Variants in ST6GAL1 observed in about 807,000 individuals in gnomAD.
The protein encoded by ST6GAL1 is ST6 beta-galactoside alpha-2,6-sialyltransferase 1.
ST6GAL1 carries 20 observed loss-of-function variants against 38.0 expected under a neutral mutation model. The observed-to-expected ratio is 0.53, with a 90% CI of 0.37 to 0.77. The LOEUF is 0.77. Among genes scored for constraint, ST6GAL1 ranks in the 30% least tolerant of loss-of-function variants. ST6GAL1 has a pLI of 0.00. For missense variants in ST6GAL1, 432 were observed against 496.4 expected, an observed-to-expected ratio of 0.87 and a Z score of 1.23; for synonymous variants, 196 against 188.2, an observed-to-expected ratio of 1.04 and a Z score of -0.34.
chr3:187,047,147 G>T (rs531270374), intron 4 of ST6GAL1, among the ~76,000 whole-genome samples: 2 of 151,954 alleles, frequency 1.3e-5, no homozygotes, highest in African/African-American at 4.8e-5. Flanking sequence ...GGGTTTCACC[G>T]TGTTAGCCAG....
chr3:187,051,580 C>T (rs1369740466), intron 5 of ST6GAL1: 2 of 456,188 alleles, frequency 4.4e-6, no homozygotes, highest in South Asian at 4.4e-5. Context: ...TGTCTGGTAC[C>T]CAGGAAAGTA....
At chr3:186,969,258 A>G (rs1380920991) in intron 2 of ST6GAL1, among the ~76,000 whole-genome samples, 2 of 151,956 alleles carry the variant, frequency 1.3e-5, no homozygotes, top group East Asian at 1.9e-4. Context: ...TCACCATGTT[A>G]GCCAGGCTGG....
At chr3:186,973,873 C>T (rs1387765111) in intron 2 of ST6GAL1, among the ~76,000 whole-genome samples, 1 of 152,246 alleles carries the variant, frequency 6.6e-6, no homozygotes, top group Non-Finnish European at 1.5e-5. Context: ...TGAACACCTA[C>T]TGTGTGCTTG....
chr3:186,990,417 C>T (rs530784500), intron 2 of ST6GAL1, among the ~76,000 whole-genome samples: 1 of 152,310 alleles, frequency 6.6e-6, no homozygotes, highest in Non-Finnish European at 1.5e-5. Flanking sequence ...GCGAGAGAAA[C>T]TGCCCAGCAG....
intron 1 of ST6GAL1, among the ~76,000 whole-genome samples, chr3:186,951,986 G>T (rs887161990): frequency 4.6e-5 from 7 of 152,134 alleles, no homozygotes; most frequent in Non-Finnish European, 1.0e-4. Flanking sequence ...GGGTACTACT[G>T]TATGAGTCCA....
intron 2 of ST6GAL1, chr3:187,006,258 A>T (rs2108555798): frequency 6.6e-6 from 1 of 152,316 alleles, no homozygotes; most frequent in African/African-American, 2.4e-5. Context: ...TTTAGAACAT[A>T]AAACCTAGAC....
At chr3:186,967,746 C>T (rs9828559) in intron 2 of ST6GAL1, among the ~76,000 whole-genome samples, 140,000 of 152,302 alleles carry the variant, frequency 0.92, 64,382 homozygotes, top group East Asian at 0.93. Flanking sequence ...TTAGCCATCA[C>T]GTCTTTCACT....
intron 4 of ST6GAL1, among the ~76,000 whole-genome samples, chr3:187,048,194 T>C (rs927323368): frequency 5.3e-5 from 8 of 152,084 alleles, no homozygotes; most frequent in Admixed American, 1.3e-4. Flanking sequence ...CTGCCCACCT[T>C]GGCCTCCCAA....
chr3:187,014,677 C>T (rs1015396757), intron 2 of ST6GAL1, among the ~76,000 whole-genome samples: 1 of 152,222 alleles, frequency 6.6e-6, no homozygotes, highest in Non-Finnish European at 1.5e-5. Flanking sequence ...GATTGCAATA[C>T]ATTCCTGGGC....
At position 187,012,111 on chromosome 3, in the gene ST6GAL1, G is replaced by A. The variant is rs182080076; in HGVS notation, c.-182-26631G>A. 5.7e-3 allele frequency among the ~76,000 whole-genome samples: 874 copies of A among 152,178 alleles called. 5 individuals are homozygous for A. The highest frequency in any genetic ancestry group is 9.1e-3 in the Non-Finnish European group (621 of 68,014). ...CAGGCTCCGGTCATCTATGTTAGTC[G>A]TGCTCTTGCTACACATCTGCCACCT... On this transcript the variant is annotated intron_variant, in intron 2 of 7. Coordinates refer to ENST00000169298, the MANE Select transcript of ST6GAL1 (RefSeq NM_173216.2).
At chr3:186,977,640 C>G (rs576365423) in intron 2 of ST6GAL1, among the ~76,000 whole-genome samples, 1 of 152,154 alleles carries the variant, frequency 6.6e-6, no homozygotes, top group Non-Finnish European at 1.5e-5. Flanking sequence ...ATCAGTCTCA[C>G]GCAGGAGACA....
chr3:186,958,967 ATT>A (rs59319847), intron 1 of ST6GAL1, among the ~76,000 whole-genome samples: 1,700 of 12,866 alleles, frequency 0.13, 29 homozygotes, highest in African/African-American at 0.19. Context: ...AAAAAAAAAA[ATT>A]AAATAAATAA....
intron 2 of ST6GAL1, among the ~76,000 whole-genome samples, chr3:186,967,013 C>T (rs1213337349): frequency 6.6e-6 from 1 of 152,182 alleles, no homozygotes; most frequent in Admixed American, 6.5e-5. Context: ...CTTGGACATA[C>T]AGATCTGACA....
chr3:187,065,597 A>G (rs1719075973), intron 5 of ST6GAL1, among the ~76,000 whole-genome samples: 1 of 152,196 alleles, frequency 6.6e-6, no homozygotes, highest in Admixed American at 6.5e-5. Context: ...GACTCAACTC[A>G]GTACCTCCTG....
chr3:187,068,075 G>T (rs1007452641), intron 5 of ST6GAL1, among the ~76,000 whole-genome samples: 2 of 151,770 alleles, frequency 1.3e-5, no homozygotes, highest in African/African-American at 4.8e-5. Flanking sequence ...GGGTGTGGTG[G>T]CTCATGCCTG....
chr3:186,981,577 A>T (rs187536182), intron 2 of ST6GAL1, among the ~76,000 whole-genome samples: 4 of 152,252 alleles, frequency 2.6e-5, no homozygotes, highest in African/African-American at 7.2e-5. Flanking sequence ...AAGGCACTTC[A>T]TTTTCCTCAG....
chr3:187,073,281 G>C (rs192305828), intron 6 of ST6GAL1: 2 of 236,506 alleles, frequency 8.5e-6, no homozygotes, highest in East Asian at 1.0e-4. Flanking sequence ...AGTAGTTGCC[G>C]TTACTCCTGT....
chr3:186,958,990 AAAT>A (rs1714844135), intron 1 of ST6GAL1, among the ~76,000 whole-genome samples: 1 of 133,772 alleles, frequency 7.5e-6, no homozygotes, highest in East Asian at 2.2e-4. Context: ...ATAAATAAAT[AAAT>A]AAAATAAAAT....
Position 187,072,952 on chromosome 3 carries a change from G to C in ST6GAL1, c.804+5G>C. ...TACCACTCAGATATCCCAAAGGTAA[G>C]TGGGTGTCCGTGGGAAATAGGGGTT... is the stretch of plus-strand genomic sequence containing the variant. On this transcript the variant is annotated splice_donor_5th_base_variant and intron_variant, in intron 6 of 7. Transcript: ENST00000169298. 6.2e-7 allele frequency: 1 copy of C among 1,603,502 alleles called. No individual in the cohort carries two copies. The highest frequency in any genetic ancestry group is 1.7e-5 in the Admixed American group (1 of 60,008).
Sources: gnomAD v4.1 joint callset for allele counts (sites outside exome capture counted in the v4.1 genomes callset) on GRCh38, gnomAD v4.1.1 for gene constraint, MANE v1.5 for transcripts, NCBI Gene and HGNC (gene_info 2026-07-23, HGNC 2026-07-21) for gene names.